Variants in ACSS2 observed in about 807,000 individuals in gnomAD.
ACSS2 encodes the protein acyl-CoA synthetase short chain family member 2.
Under a neutral mutation model 90.6 loss-of-function variants are expected in ACSS2, and 58 were observed. The observed-to-expected ratio is 0.64, with a 90% CI of 0.52 to 0.80. The LOEUF is 0.80. Among genes scored for constraint, ACSS2 ranks in the 30% least tolerant of loss-of-function variants. ACSS2 has a pLI of 0.00. For missense variants in ACSS2, 759 were observed against 912.0 expected, an observed-to-expected ratio of 0.83 and a Z score of 2.16; for synonymous variants, 300 against 330.9, an observed-to-expected ratio of 0.91 and a Z score of 1.01.
At chr20:34,891,637 A>G (rs558510110) in intron 2 of ACSS2, among the ~76,000 whole-genome samples, 1 of 152,234 alleles carries the variant, frequency 6.6e-6, no homozygotes, top group East Asian at 1.9e-4. Flanking sequence ...CTAATGGGAG[A>G]TACATGGGAA....
chr20:34,915,014 T>C (rs1368702184), intron 7 of ACSS2, among the ~76,000 whole-genome samples: 3 of 152,108 alleles, frequency 2.0e-5, no homozygotes, highest in African/African-American at 7.2e-5. Context: ...CTAGAGAGGC[T>C]GTAGTCTAGT....
chr20:34,900,680 A>T (rs1477279805), intron 2 of ACSS2, among the ~76,000 whole-genome samples: 1 of 152,196 alleles, frequency 6.6e-6, no homozygotes, highest in African/African-American at 2.4e-5. Context: ...GAGCTGAGTG[A>T]GGCTGCATTA....
intron 1 of ACSS2, among the ~76,000 whole-genome samples, chr20:34,878,895 C>CTTT (rs11299664): frequency 2.6e-4 from 33 of 128,512 alleles, no homozygotes; most frequent in Admixed American, 3.2e-4. Context: ...TTCTGCTTTT[C>CTTT]TTTTTTTTTT....
At chr20:34,902,953 G>T (rs989831426) in intron 2 of ACSS2, among the ~76,000 whole-genome samples, 1 of 143,548 alleles carries the variant, frequency 7.0e-6, no homozygotes, top group South Asian at 2.2e-4. Context: ...GTCTGGTCTC[G>T]AACTCTTGGG....
upstream of ACSS2, among the ~76,000 whole-genome samples, chr20:34,876,268 C>T (rs2079903779): frequency 6.6e-6 from 1 of 152,072 alleles, no homozygotes; most frequent in Non-Finnish European, 1.5e-5. Flanking sequence ...CTCCCCATCA[C>T]TCCATGGGCC....
At chr20:34,917,033 T>G (rs977328264) in intron 7 of ACSS2, among the ~76,000 whole-genome samples, 1 of 152,226 alleles carries the variant, frequency 6.6e-6, no homozygotes, top group Non-Finnish European at 1.5e-5. Flanking sequence ...CTGGTGCTAG[T>G]TATCAGTTCC....
chr20:34,920,633 C>T lies in ACSS2; in HGVS notation c.1067C>T (p.Thr356Met), dbSNP rs753593352. 20 of 1,614,022 alleles carry T rather than the reference C, an allele frequency of 1.2e-5. No homozygotes were observed. The highest frequency in any genetic ancestry group is 2.2e-5 in the East Asian group (1 of 44,894). The change falls in exon 9 of 18, where the codon ACG becomes ATG. Residue 356 changes from threonine (T) to methionine (M), a missense_variant. Thr to Met is a moderately conservative substitution (Grantham distance 81). Coordinates refer to ENST00000360596, the MANE Select transcript of ACSS2 (RefSeq NM_018677.4). ...DFHAEDVFWC[T>M]ADIGWITGHS... The stretch of plus-strand genomic sequence containing the variant: ...CATGCAGAGGATGTGTTCTGGTGCA[C>T]GGCAGACATTGGTTGGATCACTGGT...
At chr20:34,880,115 T>C (rs1341445787) in intron 1 of ACSS2, among the ~76,000 whole-genome samples, 1 of 152,256 alleles carries the variant, frequency 6.6e-6, no homozygotes. Flanking sequence ...TTTGTTATTG[T>C]TGGGCTATTG....
At chr20:34,902,178 G>A (rs2080677790) in intron 2 of ACSS2, among the ~76,000 whole-genome samples, 1 of 152,116 alleles carries the variant, frequency 6.6e-6, no homozygotes, top group South Asian at 2.1e-4. Context: ...ACAAGGTTCT[G>A]TACGAGACAA....
intron 2 of ACSS2, among the ~76,000 whole-genome samples, chr20:34,899,559 G>A (rs1367743191): frequency 2.0e-4 from 30 of 150,054 alleles, no homozygotes; most frequent in Admixed American, 2.0e-4. Context: ...GCATGATCTC[G>A]GCTCACTGCA....
chr20:34,899,086 G>C (rs866620786), intron 2 of ACSS2, among the ~76,000 whole-genome samples: 10 of 152,184 alleles, frequency 6.6e-5, no homozygotes, highest in Non-Finnish European at 1.5e-5. Context: ...AGGGCCGGCC[G>C]GCTGCTCCGA....
chr20:34,919,454 T>C lies in ACSS2; in HGVS notation c.854T>C (p.Ile285Thr). Residue 285 changes from isoleucine to threonine, a missense_variant, in exon 8 of 18, where the codon ATT becomes ACT. Ile to Thr is a moderately conservative substitution (Grantham distance 89). Coordinates refer to ENST00000360596, the MANE Select transcript of ACSS2 (RefSeq NM_018677.4). ...CTGCAGATCTCATGGAACCAAGGGA[T>C]TGACTTGTGGTGGCATGAGCTCATG... Reference protein sequence around the residue: ...PDVQISWNQGIDLWWHELMQE... With the variant: ...PDVQISWNQGTDLWWHELMQE... 2 of 1,613,684 alleles carry C rather than the reference T, an allele frequency of 1.2e-6. No homozygotes were observed. Among genetic ancestry groups the C allele is most frequent in the Non-Finnish European group, 1.7e-6 (2 of 1,179,998 alleles).
At chr20:34,921,759 TG>T (rs1454297228) in intron 12 of ACSS2, 26 bp from the exon 13 acceptor site, 1 of 1,612,418 alleles carries the variant, frequency 6.2e-7, no homozygotes, top group East Asian at 2.2e-5. Context: ...TTCCTCTTCT[TG>T]GGTTCTGTCT....
At chr20:34,902,089 C>T (rs1367529237) in intron 2 of ACSS2, among the ~76,000 whole-genome samples, 3 of 117,518 alleles carry the variant, frequency 2.6e-5, no homozygotes, top group Non-Finnish European at 5.9e-5. Context: ...AGTTATACTA[C>T]ATTAGTCTAC....
intron 14 of ACSS2, among the ~76,000 whole-genome samples, chr20:34,924,521 T>C (rs1287498227): frequency 6.6e-6 from 1 of 152,026 alleles, no homozygotes; most frequent in Non-Finnish European, 1.5e-5. Context: ...GGGACACAGC[T>C]TGAGATGTCT....
At chr20:34,917,550 A>G (rs1327040317) in intron 7 of ACSS2, among the ~76,000 whole-genome samples, 2 of 152,198 alleles carry the variant, frequency 1.3e-5, no homozygotes, top group Non-Finnish European at 2.9e-5. Context: ...TTTTAACCAA[A>G]TATGCACACA....
chr20:34,911,186 ATT>A (rs113927168), intron 2 of ACSS2, among the ~76,000 whole-genome samples: 5 of 130,656 alleles, frequency 3.8e-5, no homozygotes, highest in Middle Eastern at 4.0e-3. Flanking sequence ...CTCAGCTAAA[ATT>A]TTTTTTTTTT....
intron 2 of ACSS2, among the ~76,000 whole-genome samples, chr20:34,883,200 T>C (rs1227937307): frequency 6.6e-6 from 1 of 152,198 alleles, no homozygotes; most frequent in Non-Finnish European, 1.5e-5. Flanking sequence ...AGTCTAGTGT[T>C]CTTGGCTTTG....
Position 34,899,511 on chromosome 20 carries a change from T to C in ACSS2, c.375-13585T>C, listed in dbSNP as rs1371911900. On this transcript the variant is annotated intron_variant, in intron 2 of 17. Transcript: ENST00000360596. Reference sequence around the variant, plus strand: ...CTTTCTTTTTTGTTTTTTTTTGAGATGGAGTCTTGCTCTTGTCGCCCAGGC... The same window carrying C: ...CTTTCTTTTTTGTTTTTTTTTGAGACGGAGTCTTGCTCTTGTCGCCCAGGC... Among the ~76,000 whole-genome samples the C allele has an allele frequency of 1.3e-5, 2 of 150,430 alleles. 1 individual carries two copies.
Sources: gnomAD v4.1 joint callset for allele counts (sites outside exome capture counted in the v4.1 genomes callset) on GRCh38, gnomAD v4.1.1 for gene constraint, MANE v1.5 for transcripts, NCBI Gene and HGNC (gene_info 2026-07-23, HGNC 2026-07-21) for gene names.